The following SOS1 variants were observed in gnomAD, a reference collection of about 807,000 sequenced individuals.
The protein encoded by SOS1 is SOS Ras/Rac guanine nucleotide exchange factor 1.
Under a neutral mutation model 157.6 loss-of-function variants are expected in SOS1, and 25 were observed. That is an observed-to-expected ratio of 0.16 (90% CI 0.12 to 0.22). The LOEUF (loss-of-function observed/expected upper bound fraction) is 0.22. Ranked by LOEUF, SOS1 falls within the 10% of genes least tolerant of loss-of-function variation. SOS1 has a pLI of 1.00. For synonymous variants in SOS1, 528 were observed against 534.0 expected (o/e 0.99, Z 0.16); for missense variants, 1,237 against 1,599.1 (o/e 0.77, Z 3.86).
In SOS1 at chr2:39,120,992, AC is replaced by A. The variant is rs1037966423; in HGVS notation, c.-571del. On this transcript the variant is annotated 5_prime_UTR_variant, in exon 1 of 23. Transcript: ENST00000402219. ...AGGTGCCGCCGCGGCCGCCGCCGCC[AC>A]CGCCGCCGCCGGTGTAGCGCTGGAG... The A allele has an allele frequency of 2.3e-5, 4 of 175,720 alleles. No individual in the cohort carries two copies. The Admixed American group carries it at 2.6e-4, about 11-fold the overall frequency. The allele number at this position is 175,720 out of a possible 1,614,324, so 10.9% of individuals were successfully genotyped here. A position where few individuals can be genotyped will look rare whatever the true frequency, so the allele number is the denominator to read the frequency against.
rs35821774 is a variant in SOS1 at position 38,985,423 on chromosome 2, T to TTTG, written c.*400_*401insCAA. 136 of 57,304 alleles carry TTTG rather than the reference T, an allele frequency of 2.4e-3. 1 individual carries two copies. Among genetic ancestry groups the TTTG allele is most frequent in the East Asian group, 0.018 (84 of 4,720 alleles). The allele number at this position is 57,304 out of a possible 1,614,324, so 3.5% of individuals were successfully genotyped here. A position where few individuals can be genotyped will look rare whatever the true frequency, so the allele number is the denominator to read the frequency against. Reference sequence around the variant, plus strand: ...GAAGATATTAAGATCCCTGTTTAAGTTTTTTTTTTTAAAAGTGCATAATTT... The same window carrying TTTG: ...GAAGATATTAAGATCCCTGTTTAAGTTTGTTTTTTTTTTAAAAGTGCATAATTT... On this transcript the variant is annotated 3_prime_UTR_variant, in exon 23 of 23. Transcript: ENST00000402219.
intron 1 of SOS1, among the ~76,000 whole-genome samples, chr2:39,108,930 G>A (rs1482516192): frequency 6.6e-6 from 1 of 152,102 alleles, no homozygotes; most frequent in Non-Finnish European, 1.5e-5. Context: ...TGGGTGCAGT[G>A]GCTCACATAT....
At chr2:39,121,119 G>T, upstream of SOS1, 1 of 154,094 alleles carries the variant, frequency 6.5e-6, no homozygotes, top group Non-Finnish European at 1.4e-5. Context: ...GAGGAGGAAA[G>T]CTCGAGAGAG....
At chr2:39,034,511 G>A (rs1435062507) in intron 8 of SOS1, among the ~76,000 whole-genome samples, 1 of 152,190 alleles carries the variant, frequency 6.6e-6, no homozygotes, top group Non-Finnish European at 1.5e-5. Context: ...TACAAGGCTA[G>A]TCCATTAAAG....
chr2:38,983,626 T>C lies in SOS1; in HGVS notation c.*2198A>G, dbSNP rs1668464693. ...CGAAGACATACTGAAGGGGGTCCAA[T>C]GTGACTTTTACCAGGTTCTCATTTG... On this transcript the variant is annotated 3_prime_UTR_variant, in exon 23 of 23. Coordinates refer to ENST00000402219, the MANE Select transcript of SOS1 (RefSeq NM_005633.4). The C allele has an allele frequency of 6.6e-6, 1 of 152,148 alleles. No homozygotes were observed. Among genetic ancestry groups the C allele is most frequent in the Non-Finnish European group, 1.5e-5 (1 of 68,008 alleles). The allele number at this position is 152,148 out of a possible 1,614,324, so 9.4% of individuals were successfully genotyped here.
chr2:39,022,936 T>G lies in SOS1; in HGVS notation c.1492A>C (p.Lys498Gln). 2 of 1,613,596 alleles carry G rather than the reference T, an allele frequency of 1.2e-6. No homozygotes were observed. Among genetic ancestry groups the G allele is most frequent in the Non-Finnish European group, 1.7e-6 (2 of 1,179,632 alleles). ...YRLKEKFFMR[K>Q]VQINDKDDTN... is the part of the protein sequence containing the mutation. The stretch of plus-strand genomic sequence containing the variant: ...TCATCTTTATCATTAATTTGTACCT[T>G]TCGCATAAAAAACTTTTCTTTAAGA... Residue 498 changes from lysine (K) to glutamine (Q), a missense_variant, in exon 10 of 23, where the codon AAG becomes CAG. Around this residue, in one of 15 missense-constraint regions of SOS1, gnomAD observed 210 missense variants for 220.2 expected, o/e 0.95. Transcript: ENST00000402219.
At chr2:39,118,152 A>G (rs777671682) in intron 1 of SOS1, among the ~76,000 whole-genome samples, 20 of 152,226 alleles carry the variant, frequency 1.3e-4, no homozygotes, top group Admixed American at 1.1e-3. Context: ...TATCCAACTC[A>G]GCCCTGATGA....
At chr2:39,054,937 A>G (rs2124604183) in intron 4 of SOS1, 114 bp from the exon 5 acceptor site, 1 of 686,228 alleles carries the variant, frequency 1.5e-6, no homozygotes, top group Non-Finnish European at 2.5e-6. Flanking sequence ...AAAGCAGACA[A>G]ACAAATTTCT....
At chr2:39,025,767 G>A (rs1669939688) in intron 8 of SOS1, among the ~76,000 whole-genome samples, 1 of 152,110 alleles carries the variant, frequency 6.6e-6, no homozygotes, top group South Asian at 2.1e-4. Context: ...ATTCCTTTCT[G>A]CTTCAATTGA....
rs568344520 is a variant in SOS1 at position 39,083,287 on chromosome 2, G to GA, written c.88-15535dup. Among the ~76,000 whole-genome samples the GA allele has an allele frequency of 3.9e-5, 6 of 152,124 alleles. No homozygotes were observed. The South Asian group carries it at 1.2e-3, about 32-fold the overall frequency. On this transcript the variant is annotated intron_variant, in intron 1 of 22. Transcript: ENST00000402219. Reference sequence around the variant, plus strand: ...GACAGGAGCAATTTAAAGCAGAATGGAATCTAGTGAAGCACCTACATCCAA... The same window carrying GA: ...GACAGGAGCAATTTAAAGCAGAATGGAAATCTAGTGAAGCACCTACATCCAA...
chr2:39,021,589 T>C (rs1218000988), intron 10 of SOS1, among the ~76,000 whole-genome samples: 1 of 149,502 alleles, frequency 6.7e-6, no homozygotes, highest in East Asian at 2.0e-4. Flanking sequence ...AATCTAAAGA[T>C]TAATTTTACT....
chr2:39,034,131 G>A (rs1416953107), intron 8 of SOS1, among the ~76,000 whole-genome samples: 1 of 152,110 alleles, frequency 6.6e-6, no homozygotes, highest in Non-Finnish European at 1.5e-5. Flanking sequence ...CTATTGCTAA[G>A]AGCTTTGTCA....
intron 13 of SOS1, among the ~76,000 whole-genome samples, chr2:39,013,035 T>C (rs1309150002): frequency 3.3e-5 from 5 of 152,160 alleles, no homozygotes; most frequent in African/African-American, 1.2e-4. Flanking sequence ...CTAAGTGATT[T>C]TGCCCAAAGT....
At chr2:39,106,184 T>TACACAC (rs35147616) in intron 1 of SOS1, among the ~76,000 whole-genome samples, 25 of 148,218 alleles carry the variant, frequency 1.7e-4, no homozygotes, top group African/African-American at 5.2e-4. Context: ...TGTGCTACTG[T>TACACAC]ACACACACAC....
chr2:39,002,644 G>A (rs545867400), intron 17 of SOS1, among the ~76,000 whole-genome samples: 5 of 152,300 alleles, frequency 3.3e-5, no homozygotes, highest in East Asian at 1.9e-4. Flanking sequence ...ATGACATACC[G>A]TCAGATATAT....
chr2:39,071,056 C>T (rs1183444052), intron 1 of SOS1, among the ~76,000 whole-genome samples: 1 of 151,956 alleles, frequency 6.6e-6, no homozygotes, highest in African/African-American at 2.4e-5. Flanking sequence ...TTAGTAGAGA[C>T]CGGGTTTTAC....
At chr2:39,006,832 A>G (rs999711453) in intron 16 of SOS1, among the ~76,000 whole-genome samples, 199 bp downstream of exon 16, 3 of 152,172 alleles carry the variant, frequency 2.0e-5, no homozygotes, top group African/African-American at 7.2e-5. Flanking sequence ...TTAGGCTGGG[A>G]CCTGTGAATA....
intron 17 of SOS1, among the ~76,000 whole-genome samples, chr2:39,003,534 T>G (rs1376506958): frequency 6.6e-6 from 1 of 152,160 alleles, no homozygotes; most frequent in East Asian, 1.9e-4. Flanking sequence ...GTAAACATGA[T>G]TAAATATTTA....
intron 1 of SOS1, among the ~76,000 whole-genome samples, chr2:39,111,811 C>T (rs1252637194): frequency 6.6e-6 from 1 of 151,546 alleles, no homozygotes. Flanking sequence ...CTCACTGCAA[C>T]CTCCACCTCC....
Sources: gnomAD v4.1 joint callset for allele counts (sites outside exome capture counted in the v4.1 genomes callset) on GRCh38, gnomAD v4.1.1 for gene constraint, gnomAD v4.1.1 regional missense constraint, MANE v1.5 for transcripts, NCBI Gene and HGNC (gene_info 2026-07-23, HGNC 2026-07-21) for gene names.